ACACA: variants seen among roughly 807,000 people sequenced by gnomAD.
ACACA encodes acetyl-CoA carboxylase 1.
Under a neutral mutation model 296.1 loss-of-function variants are expected in ACACA, and 103 were observed. The ratio of observed to expected loss-of-function variants is 0.35; its 90% confidence interval spans 0.30 to 0.41. ACACA has a LOEUF of 0.41. Ranked by LOEUF, ACACA falls within the 10% of genes least tolerant of loss-of-function variation. The probability of loss-of-function intolerance (pLI) is 1.00; values close to 1 mark genes in which losing one functional copy is unlikely to be tolerated. For synonymous variants in ACACA, 953 were observed against 1,038.6 expected (o/e 0.92, Z 1.58); for missense variants, 1,554 against 2,989.7 (o/e 0.52, Z 11.20).
intron 27 of ACACA, among the ~76,000 whole-genome samples, chr17:37,223,845 A>T (rs2079407634): frequency 6.6e-6 from 1 of 152,228 alleles, no homozygotes; most frequent in Non-Finnish European, 1.5e-5. Flanking sequence ...ACAATGCATT[A>T]TTTGTATGCT....
chr17:37,147,967 C>T (rs960940738), intron 45 of ACACA, among the ~76,000 whole-genome samples: 1 of 151,996 alleles, frequency 6.6e-6, no homozygotes, highest in East Asian at 1.9e-4. Context: ...CCAACATCTG[C>T]TTTTTGTAAT....
chr17:37,284,717 A>G (rs926872012), intron 4 of ACACA, 121 bp downstream of exon 4: 2 of 1,339,968 alleles, frequency 1.5e-6, no homozygotes, highest in East Asian at 2.3e-5. Flanking sequence ...TAAAATTCAC[A>G]TAAAGAGGCA....
At chr17:37,100,550 A>C (rs9902961) in intron 52 of ACACA, among the ~76,000 whole-genome samples, 2,910 of 152,042 alleles carry the variant, frequency 0.019, 84 homozygotes, top group African/African-American at 0.067. Context: ...TCAAAGAATC[A>C]GTCCAGATTA....
chr17:37,274,499 A>G, intron 8 of ACACA, 200 bp from the exon 9 acceptor site: 1 of 667,782 alleles, frequency 1.5e-6, no homozygotes, highest in Non-Finnish European at 1.9e-6. Context: ...TGGGTTCTTA[A>G]CGCTGGCAAA....
At chr17:37,385,878 C>T (rs575351695) in intron 1 of ACACA, 75 of 618,666 alleles carry the variant, frequency 1.2e-4, no homozygotes, top group South Asian at 1.1e-3. Context: ...ACACCCTAAA[C>T]CTATGGACAG....
intron 50 of ACACA, among the ~76,000 whole-genome samples, chr17:37,118,684 T>C (rs1482871808): frequency 6.6e-6 from 1 of 152,204 alleles, no homozygotes; most frequent in Non-Finnish European, 1.5e-5. Flanking sequence ...TGCCATTTTG[T>C]AGCTGAATGA....
chr17:37,405,574 CAG>C (rs1238817556), intron 1 of ACACA, among the ~76,000 whole-genome samples: 4 of 152,048 alleles, frequency 2.6e-5, no homozygotes, highest in Admixed American at 2.0e-4. Context: ...CTTTTTGAGA[CAG>C]AGTTTCGCTC....
chr17:37,132,298 T>G (rs2075136175), intron 45 of ACACA, among the ~76,000 whole-genome samples: 1 of 152,128 alleles, frequency 6.6e-6, no homozygotes, highest in African/African-American at 2.4e-5. Flanking sequence ...CACTCACACA[T>G]GCATCAGGAA....
chr17:37,211,681 A>G (rs1404743627), intron 29 of ACACA, among the ~76,000 whole-genome samples: 1 of 152,236 alleles, frequency 6.6e-6, no homozygotes, highest in Non-Finnish European at 1.5e-5. Context: ...TGCACTTTCC[A>G]TGGCAGTAGA....
At chr17:37,302,854 C>T (rs1201540765) in intron 3 of ACACA, among the ~76,000 whole-genome samples, 1 of 152,182 alleles carries the variant, frequency 6.6e-6, no homozygotes, top group African/African-American at 2.4e-5. Flanking sequence ...ACAATTCACA[C>T]ACCATACATT....
intron 3 of ACACA, among the ~76,000 whole-genome samples, chr17:37,315,217 C>T (rs2047034708): frequency 1.3e-5 from 2 of 152,162 alleles, no homozygotes; most frequent in Admixed American, 1.3e-4. Flanking sequence ...CTCTGCCTCC[C>T]AAAGTGCTGG....
At chr17:37,157,068 C>T (rs574401132) in intron 42 of ACACA, among the ~76,000 whole-genome samples, 2 of 152,178 alleles carry the variant, frequency 1.3e-5, no homozygotes, top group South Asian at 2.1e-4. Flanking sequence ...TCAGGAAATA[C>T]ACAAAATAAG....
At chr17:37,266,020 T>C (rs1404365536) in intron 10 of ACACA, among the ~76,000 whole-genome samples, 1 of 152,160 alleles carries the variant, frequency 6.6e-6, no homozygotes, top group Non-Finnish European at 1.5e-5. Flanking sequence ...ATGAATCATA[T>C]TGGGGTTCAC....
At position 37,111,524 on chromosome 17, in the gene ACACA, G is replaced by A; in HGVS notation, c.6565+7C>T. 6.2e-7 allele frequency: 1 copy of A among 1,605,860 alleles called. No homozygotes were observed. Among genetic ancestry groups the A allele is most frequent in the Non-Finnish European group, 8.5e-7 (1 of 1,172,474 alleles). ...CATTGATTTGCCAGAAGGACAAGCAGACATACCCAATCGCTCAGCCAAGTG... is the reference window on the plus strand; with the variant it reads ...CATTGATTTGCCAGAAGGACAAGCAAACATACCCAATCGCTCAGCCAAGTG... On this transcript the variant is annotated splice_region_variant and intron_variant, in intron 52 of 55. Transcript: ENST00000616317.
At chr17:37,163,451 T>C (rs1342002683) in intron 41 of ACACA, among the ~76,000 whole-genome samples, 1 of 152,144 alleles carries the variant, frequency 6.6e-6, no homozygotes, top group Non-Finnish European at 1.5e-5. Context: ...GGTATTCCTT[T>C]ATAGCAACAC....
Position 37,252,053 on chromosome 17 carries a change from T to C in ACACA, c.2033A>G (p.Asp678Gly). The part of the protein sequence containing the change: ...GVVCGALHVA[D>G]VSLRNSVSNF... ...AGAGACGCTATTCCGCAGGCTCACA[T>C]CTGCCACGTGGAGGGCACCACACAC... Residue 678 changes from aspartate (D) to glycine (G), a missense_variant, in exon 16 of 56, where the codon GAT becomes GGT. Asp to Gly is a moderately conservative substitution (Grantham distance 94). Transcript: ENST00000616317. The C allele has an allele frequency of 6.2e-7, 1 of 1,614,200 alleles. No individual in the cohort carries two copies. Among genetic ancestry groups the C allele is most frequent in the Non-Finnish European group, 8.5e-7 (1 of 1,180,034 alleles).
chr17:37,285,471 G>A (rs911388686), intron 3 of ACACA, among the ~76,000 whole-genome samples: 1 of 152,098 alleles, frequency 6.6e-6, no homozygotes, highest in African/African-American at 2.4e-5. Context: ...AGCATAATAT[G>A]CCATATTTAA....
At chr17:37,301,342 T>A in intron 3 of ACACA, 1 of 983,600 alleles carries the variant, frequency 1.0e-6, no homozygotes, top group Non-Finnish European at 1.2e-6. Context: ...GCATCCCCCT[T>A]TTAATCTACC....
chr17:37,348,744 G>C (rs1251617344), intron 1 of ACACA, among the ~76,000 whole-genome samples: 1 of 151,796 alleles, frequency 6.6e-6, no homozygotes, highest in Non-Finnish European at 1.5e-5. Flanking sequence ...GGCGGATCAC[G>C]AGATCAGGAG....
Sources: gnomAD v4.1 joint callset for allele counts (sites outside exome capture counted in the v4.1 genomes callset) on GRCh38, gnomAD v4.1.1 for gene constraint, MANE v1.5 for transcripts, NCBI Gene and HGNC (gene_info 2026-07-23, HGNC 2026-07-21) for gene names.